SGCG: variants seen among roughly 807,000 people sequenced by gnomAD.
SGCG encodes the protein gamma-sarcoglycan.
Under a neutral mutation model 29.3 loss-of-function variants are expected in SGCG, and 26 were observed. The observed-to-expected ratio is 0.89, with a 90% CI of 0.65 to 1.23. The LOEUF (loss-of-function observed/expected upper bound fraction) is 1.23, where lower values mean the gene tolerates loss of function less well. Among genes scored for constraint, SGCG ranks in the 50% most tolerant of loss-of-function variants. SGCG has a pLI of 0.00. For missense variants in SGCG, 353 were observed against 356.0 expected, an observed-to-expected ratio of 0.99 and a Z score of 0.07; for synonymous variants, 145 against 129.7, an observed-to-expected ratio of 1.12 and a Z score of -0.80.
At chr13:23,162,637 C>A in the SGCG span, among the ~76,000 whole-genome samples, 1 of 150,702 alleles carries the variant, frequency 6.6e-6, no homozygotes, top group Admixed American at 6.6e-5. Flanking sequence ...TAAAAACGAG[C>A]CTGGGCATCA....
At position 23,250,398 on chromosome 13, in the gene SGCG, G is replaced by A. The variant is rs148863939; in HGVS notation, c.298-232G>A. 1.6e-3 allele frequency among the ~76,000 whole-genome samples: 236 copies of A among 151,896 alleles called. 1 individual carries two copies. The highest frequency in any genetic ancestry group is 9.9e-3 in the Admixed American group (151 of 15,238). On this transcript the variant is annotated intron_variant, in intron 3 of 7. Transcript: ENST00000218867. The stretch of plus-strand genomic sequence containing the variant: ...ATATTTTTTTCTATCCCTATCTTGC[G>A]TTTGGAGCTCATTTTATGATTGTTA...
At chr13:23,297,761 G>T (rs1464631204) in intron 6 of SGCG, among the ~76,000 whole-genome samples, 1 of 152,050 alleles carries the variant, frequency 6.6e-6, no homozygotes, top group Non-Finnish European at 1.5e-5. Flanking sequence ...CCAGATTTTG[G>T]GGGGCCTGTT....
Sources: allele counts gnomAD v4.1 joint callset (sites outside exome capture counted in the v4.1 genomes callset), GRCh38; gene constraint gnomAD v4.1.1; transcripts MANE v1.5; gene names NCBI Gene and HGNC (gene_info 2026-07-23, HGNC 2026-07-21).